The following FRAS1 variants were observed in gnomAD, a reference collection of about 807,000 sequenced individuals.
FRAS1 encodes Fraser extracellular matrix complex subunit 1.
A neutral mutation model predicts 435.2 loss-of-function variants in FRAS1; 290 were observed. That is an observed-to-expected ratio of 0.67 (90% CI 0.61 to 0.73). FRAS1 has a LOEUF of 0.73. Among genes scored for constraint, FRAS1 ranks in the 30% least tolerant of loss-of-function variants. The probability of loss-of-function intolerance (pLI) is 0.00; values close to 1 mark genes in which losing one functional copy is unlikely to be tolerated. For synonymous variants in FRAS1, 1,800 were observed against 1,851.0 expected (o/e 0.97, Z 0.71); for missense variants, 4,860 against 5,001.5 (o/e 0.97, Z 0.85).
At chr4:78,381,242 G>A (rs1732002384) in intron 27 of FRAS1, among the ~76,000 whole-genome samples, 1 of 152,144 alleles carries the variant, frequency 6.6e-6, no homozygotes, top group Admixed American at 6.5e-5. Flanking sequence ...TAAAACTCTG[G>A]TGTTTGATGC....
At chr4:78,114,396 T>A (rs921118617) in intron 2 of FRAS1, among the ~76,000 whole-genome samples, 21 of 152,290 alleles carry the variant, frequency 1.4e-4, no homozygotes, top group African/African-American at 4.8e-4. Context: ...TGGGGATGGC[T>A]TTGAATCTAT....
chr4:78,229,005 C>G (rs1360070672), intron 2 of FRAS1, among the ~76,000 whole-genome samples: 1 of 152,094 alleles, frequency 6.6e-6, no homozygotes, highest in Admixed American at 6.5e-5. Context: ...GCCTATTGTA[C>G]CATTTTAGCA....
intron 2 of FRAS1, among the ~76,000 whole-genome samples, chr4:78,081,202 A>G (rs1014298945): frequency 1.3e-5 from 2 of 152,152 alleles, no homozygotes; most frequent in African/African-American, 4.8e-5. Flanking sequence ...AGTCCCCACA[A>G]GGGAGAATAT....
chr4:78,522,625 T>A, intron 68 of FRAS1, 24 bp from the exon 69 acceptor site: 2 of 1,578,938 alleles, frequency 1.3e-6, no homozygotes, highest in South Asian at 2.3e-5. Flanking sequence ...GTACATTAAA[T>A]GCATGTGTTT....
At chr4:78,200,577 A>G (rs1463633795) in intron 2 of FRAS1, among the ~76,000 whole-genome samples, 2 of 152,154 alleles carry the variant, frequency 1.3e-5, no homozygotes, top group Non-Finnish European at 2.9e-5. Context: ...TGAAGCGGGT[A>G]AAGGGATTGA....
intron 51 of FRAS1, among the ~76,000 whole-genome samples, chr4:78,471,857 CCTT>C (rs1719718115): frequency 6.6e-6 from 1 of 152,208 alleles, no homozygotes; most frequent in Non-Finnish European, 1.5e-5. Context: ...AATCCATCCT[CCTT>C]CAACTCCAGA....
chr4:78,207,005 C>T (rs980345758), intron 2 of FRAS1, among the ~76,000 whole-genome samples: 1 of 152,150 alleles, frequency 6.6e-6, no homozygotes, highest in Non-Finnish European at 1.5e-5. Flanking sequence ...AGGTGGAGCC[C>T]TTTCTAAAAT....
chr4:78,071,083 A>T (rs1476055891), intron 2 of FRAS1: 4 of 152,256 alleles, frequency 2.6e-5, no homozygotes, highest in African/African-American at 9.6e-5. Context: ...AGAAATGCTG[A>T]CAAAGTGAAT....
At chr4:78,131,677 T>C (rs1215787452) in intron 2 of FRAS1, among the ~76,000 whole-genome samples, 2 of 152,298 alleles carry the variant, frequency 1.3e-5, no homozygotes, top group East Asian at 3.9e-4. Flanking sequence ...CTCCGAGTGA[T>C]TTTACAGGGC....
At chr4:78,216,209 T>C (rs1327568291) in intron 2 of FRAS1, among the ~76,000 whole-genome samples, 2 of 152,234 alleles carry the variant, frequency 1.3e-5, no homozygotes, top group Non-Finnish European at 2.9e-5. Flanking sequence ...TTCTTTCCCA[T>C]GAAATGGTTT....
chr4:78,252,178 T>C (rs1274109290), intron 4 of FRAS1, among the ~76,000 whole-genome samples: 1 of 152,206 alleles, frequency 6.6e-6, no homozygotes, highest in Non-Finnish European at 1.5e-5. Context: ...TAAAAAATCT[T>C]CGCGGTAATA....
chr4:78,142,836 T>C (rs984513536), intron 2 of FRAS1, among the ~76,000 whole-genome samples: 10 of 152,260 alleles, frequency 6.6e-5, no homozygotes, highest in Middle Eastern at 3.4e-3. Flanking sequence ...ATGCATGTTT[T>C]AATGGCTGGA....
chr4:78,177,273 ATAAT>A (rs1256141193), intron 2 of FRAS1, among the ~76,000 whole-genome samples: 1 of 152,216 alleles, frequency 6.6e-6, no homozygotes, highest in Non-Finnish European at 1.5e-5. Context: ...TGAGAAACAA[ATAAT>A]TATACTTAAG....
At chr4:78,124,315 G>T (rs1180183264) in intron 2 of FRAS1, among the ~76,000 whole-genome samples, 1 of 152,176 alleles carries the variant, frequency 6.6e-6, no homozygotes, top group Non-Finnish European at 1.5e-5. Context: ...GCATCCCAGG[G>T]ATGAAGCCAA....
At chr4:78,100,485 T>G (rs1209097518) in intron 2 of FRAS1, among the ~76,000 whole-genome samples, 1 of 152,234 alleles carries the variant, frequency 6.6e-6, no homozygotes, top group African/African-American at 2.4e-5. Context: ...AGTTAGAAGT[T>G]CATATCAGAG....
chr4:78,508,992 A>C lies in FRAS1; in HGVS notation c.9766A>C (p.Ser3256Arg), dbSNP rs1452532671. 22 of 1,613,832 alleles carry C rather than the reference A, an allele frequency of 1.4e-5. No individual in the cohort carries two copies. Among genetic ancestry groups the C allele is most frequent in the Non-Finnish European group, 1.9e-5 (22 of 1,179,876 alleles). Residue 3256 changes from serine (S) to arginine (R), a missense_variant, in exon 63 of 74, where the codon AGT becomes CGT. By Grantham distance (110) the Ser-to-Arg change is moderately radical. Coordinates refer to ENST00000512123, the MANE Select transcript of FRAS1 (RefSeq NM_025074.7). ...ETITDNTPFT[S>R]VNHMVLDSIY... ...CATCACTGACAACACACCATTCACC[A>C]GTGTCAACCACATGGTAGGTCTGGG...
intron 2 of FRAS1, chr4:78,068,476 G>A (rs10016219): frequency 0.22 from 98,596 of 454,972 alleles, 11,627 homozygotes; most frequent in East Asian, 0.35. Flanking sequence ...CATGGAGGAT[G>A]GCAAGAGATA....
chr4:78,449,280 T>A (rs1578331534), intron 44 of FRAS1, among the ~76,000 whole-genome samples: 1 of 152,236 alleles, frequency 6.6e-6, no homozygotes. Flanking sequence ...GTAGGATGCA[T>A]CACAGAGGGG....
rs900734076 is a variant in FRAS1 at position 78,540,839 on chromosome 4, G to A, written c.11754G>A (p.Leu3918=). ...SALAAIMLLL[L]VFLVACFINR... ...TGGCTGCAATCATGCTTCTACTTCT[G>A]GTGTTTTTGGTGGCTTGTTTTATCA... The change falls in exon 74 of 74, where the codon CTG becomes CTA. Residue 3918 remains leucine (L), a synonymous_variant. Coordinates refer to ENST00000512123, the MANE Select transcript of FRAS1 (RefSeq NM_025074.7). 7 of 1,613,904 alleles carry A rather than the reference G, an allele frequency of 4.3e-6. No homozygotes were observed. In the Admixed American group the frequency reaches 5.0e-5, roughly 12 times the overall value.
Sources: allele counts gnomAD v4.1 joint callset (sites outside exome capture counted in the v4.1 genomes callset), GRCh38; gene constraint gnomAD v4.1.1; transcripts MANE v1.5; gene names NCBI Gene and HGNC (gene_info 2026-07-23, HGNC 2026-07-21).